The following DEPTOR variants were observed in gnomAD, a reference collection of about 807,000 sequenced individuals.
The protein encoded by DEPTOR is DEP domain-containing mTOR-interacting protein.
Under a neutral mutation model 41.6 loss-of-function variants are expected in DEPTOR, and 41 were observed. That is an observed-to-expected ratio of 0.98 (90% CI 0.77 to 1.28). DEPTOR has a LOEUF of 1.28. DEPTOR is among the 50% of genes most tolerant of loss of function. DEPTOR has a pLI of 0.00. For missense variants in DEPTOR, 514 were observed against 527.9 expected (o/e 0.97, Z 0.26); for synonymous variants, 195 against 192.3 (o/e 1.01, Z -0.12).
chr8:119,916,305 AAATGGGGGTT>A (rs1284021408), intron 1 of DEPTOR, among the ~76,000 whole-genome samples: 1 of 130,574 alleles, frequency 7.7e-6, no homozygotes, highest in Non-Finnish European at 1.6e-5. Flanking sequence ...TTTTTTTTAG[AAATGGGGGTT>A]TCACCATATT....
chr8:120,048,808 T>C (rs1349451508), intron 8 of DEPTOR, among the ~76,000 whole-genome samples: 1 of 152,212 alleles, frequency 6.6e-6, no homozygotes, highest in Non-Finnish European at 1.5e-5. Flanking sequence ...CGTTTTTACC[T>C]GTTGTACAAG....
intron 4 of DEPTOR, among the ~76,000 whole-genome samples, chr8:119,979,979 ATCT>A (rs901441170): frequency 2.0e-5 from 3 of 152,202 alleles, no homozygotes; most frequent in Non-Finnish European, 2.9e-5. Context: ...GACAAGGATC[ATCT>A]TCTATGGCAA....
chr8:120,034,766 A>G (rs1812952619), intron 8 of DEPTOR, among the ~76,000 whole-genome samples: 1 of 152,064 alleles, frequency 6.6e-6, no homozygotes, highest in African/African-American at 2.4e-5. Flanking sequence ...AGTAACTTTA[A>G]TACTGCATCT....
intron 4 of DEPTOR, among the ~76,000 whole-genome samples, chr8:119,970,518 G>A (rs1828618247): frequency 1.3e-5 from 2 of 152,208 alleles, no homozygotes; most frequent in Non-Finnish European, 2.9e-5. Flanking sequence ...TTCGGAAGGA[G>A]ACAGACTGGA....
intron 1 of DEPTOR, among the ~76,000 whole-genome samples, chr8:119,910,092 T>A (rs1310236155): frequency 6.6e-6 from 1 of 152,244 alleles, no homozygotes; most frequent in Non-Finnish European, 1.5e-5. Flanking sequence ...TATGTAGATA[T>A]ATGAAATTTT....
chr8:120,001,499 T>G, intron 4 of DEPTOR, 26 bp from the exon 5 acceptor site: 2 of 1,575,710 alleles, frequency 1.3e-6, no homozygotes, highest in Non-Finnish European at 1.7e-6. Flanking sequence ...ATAGTCCTCA[T>G]TGGTTGTTTT....
intron 8 of DEPTOR, among the ~76,000 whole-genome samples, chr8:120,030,131 C>T (rs933648191): frequency 1.3e-5 from 2 of 152,074 alleles, no homozygotes; most frequent in African/African-American, 4.8e-5. Flanking sequence ...GCATGGGTGT[C>T]CCCTGCCTTG....
At chr8:119,940,073 C>T (rs113214097) in intron 3 of DEPTOR, among the ~76,000 whole-genome samples, 2,305 of 151,950 alleles carry the variant, frequency 0.015, 61 homozygotes, top group African/African-American at 0.053. Context: ...CAAAATTATC[C>T]AAGCTTGGTG....
chr8:120,001,641 A>C lies in DEPTOR; in HGVS notation c.721A>C (p.Thr241Pro). 1 of 1,613,946 alleles carries C rather than the reference A, an allele frequency of 6.2e-7. No homozygotes were observed. Among genetic ancestry groups the C allele is most frequent in the Non-Finnish European group, 8.5e-7 (1 of 1,179,972 alleles). ...TGAAAAGTCCCCCTCCTCCCAGGAA[A>C]CTCATGACAGTCCCTTCTGCCTGAG... Reference protein sequence around the residue: ...LNEKSPSSQETHDSPFCLRKQ... With the variant: ...LNEKSPSSQEPHDSPFCLRKQ... Residue 241 changes from threonine to proline, a missense_variant, in exon 5 of 9, where the codon ACT becomes CCT. Physicochemically the swap from Thr to Pro is conservative, Grantham distance 38. Coordinates refer to ENST00000286234, the MANE Select transcript of DEPTOR (RefSeq NM_022783.4).
rs1828543951 is a variant in DEPTOR at position 119,965,307 on chromosome 8, A to C, written c.501A>C (p.Ala167=). 1 of 1,613,944 alleles carries C rather than the reference A, an allele frequency of 6.2e-7. No individual in the cohort carries two copies. The highest frequency in any genetic ancestry group is 1.7e-5 in the Admixed American group (1 of 59,986). ...TCAAGTATGAGCGCACCTTCATGGCATCTGAATTCCTGGACTGGCTGGTTC... is the reference window on the plus strand; with the variant it reads ...TCAAGTATGAGCGCACCTTCATGGCCTCTGAATTCCTGGACTGGCTGGTTC... ...EGVKYERTFM[A]SEFLDWLVQE... is the part of the protein sequence containing the mutation. The change falls in exon 4 of 9, where the codon GCA becomes GCC. Residue 167 remains alanine (A), a synonymous_variant. Transcript: ENST00000286234.
intron 3 of DEPTOR, among the ~76,000 whole-genome samples, chr8:119,935,999 G>GTTTTTTT (rs67211224): frequency 3.2e-5 from 4 of 123,878 alleles, no homozygotes; most frequent in Admixed American, 8.5e-5. Context: ...TAGTCTAGTT[G>GTTTTTTT]TTTTTTTTTT....
At chr8:119,984,248 G>A (rs899810026) in intron 4 of DEPTOR, among the ~76,000 whole-genome samples, 4 of 152,162 alleles carry the variant, frequency 2.6e-5, no homozygotes, top group South Asian at 2.1e-4. Context: ...GACCAGGGAC[G>A]CTACTAGGCC....
intron 1 of DEPTOR, among the ~76,000 whole-genome samples, chr8:119,905,839 C>T (rs938791786): frequency 2.6e-5 from 4 of 152,110 alleles, no homozygotes; most frequent in African/African-American, 9.7e-5. Flanking sequence ...GATGGGGTTT[C>T]ACCATGTTGG....
intron 1 of DEPTOR, among the ~76,000 whole-genome samples, chr8:119,898,001 A>T (rs1253231582): frequency 6.6e-6 from 1 of 152,224 alleles, no homozygotes; most frequent in Non-Finnish European, 1.5e-5. Flanking sequence ...AAATATTCAT[A>T]CATCATTTTA....
intron 2 of DEPTOR, 86 bp downstream of exon 2, chr8:119,928,664 A>T: frequency 1.4e-6 from 2 of 1,413,804 alleles, no homozygotes; most frequent in East Asian, 2.5e-5. Flanking sequence ...GAAAGAAAAC[A>T]TTTTGCTTTA....
At position 119,965,292 on chromosome 8, in the gene DEPTOR, G is replaced by C; in HGVS notation, c.486G>C (p.Glu162Asp). The change falls in exon 4 of 9, where the codon GAG (glutamate) becomes GAC (aspartate). Residue 162 changes from glutamate (E) to aspartate (D), a missense_variant. Coordinates refer to ENST00000286234, the MANE Select transcript of DEPTOR (RefSeq NM_022783.4). ...GGGAGGAGGAAGGGGTCAAGTATGA[G>C]CGCACCTTCATGGCATCTGAATTCC... ...QPREEEGVKY[E>D]RTFMASEFLD... 6.2e-7 allele frequency: 1 copy of C among 1,614,114 alleles called. No individual in the cohort carries two copies. The highest frequency in any genetic ancestry group is 8.5e-7 in the Non-Finnish European group (1 of 1,180,030).
In DEPTOR at chr8:119,961,168, G is replaced by A. The variant is rs140717685; in HGVS notation, c.426-4064G>A. 3.6e-3 allele frequency among the ~76,000 whole-genome samples: 540 copies of A among 152,060 alleles called. 9 individuals are homozygous for A. The highest frequency in any genetic ancestry group is 0.011 in the African/African-American group (476 of 41,506). On this transcript the variant is annotated intron_variant, in intron 3 of 8. Coordinates refer to ENST00000286234, the MANE Select transcript of DEPTOR (RefSeq NM_022783.4). ...ACAGTGGATCACGTCTGTAATCCCCGCCCTTTGGGAGGCTGAGGCGGGTGG... is the reference window on the plus strand; with the variant it reads ...ACAGTGGATCACGTCTGTAATCCCCACCCTTTGGGAGGCTGAGGCGGGTGG...
intron 8 of DEPTOR, among the ~76,000 whole-genome samples, chr8:120,025,121 T>A (rs1340999612): frequency 6.6e-6 from 1 of 152,242 alleles, no homozygotes; most frequent in Non-Finnish European, 1.5e-5. Flanking sequence ...CATGCAAATA[T>A]TTAATTACAA....
At chr8:119,887,784 T>C (rs1255120257) in intron 1 of DEPTOR, among the ~76,000 whole-genome samples, 7 of 151,456 alleles carry the variant, frequency 4.6e-5, no homozygotes, top group South Asian at 4.2e-4. Context: ...GGATTACAGG[T>C]GTGAGCCACT....
Sources: gnomAD v4.1 joint callset for allele counts (sites outside exome capture counted in the v4.1 genomes callset) on GRCh38, gnomAD v4.1.1 for gene constraint, MANE v1.5 for transcripts, NCBI Gene and HGNC (gene_info 2026-07-23, HGNC 2026-07-21) for gene names.